SEC24D: variants seen among roughly 807,000 people sequenced by gnomAD.
SEC24D encodes the protein protein transport protein Sec24D.
In SEC24D, 69 loss-of-function variants were observed where a neutral mutation model predicts 116.9. The ratio of observed to expected loss-of-function variants is 0.59; its 90% CI spans 0.49 to 0.72. The LOEUF is 0.72. Among genes scored for constraint, SEC24D ranks in the 30% least tolerant of loss-of-function variants. The pLI is 0.00. For synonymous variants in SEC24D, 405 were observed against 442.8 expected (o/e 0.91, Z 1.07); for missense variants, 1,131 against 1,264.1 (o/e 0.89, Z 1.60).
Position 118,723,290 on chromosome 4 carries a change from A to C in SEC24D, c.*225T>G. ...AAACCACATCAGTTTTAAAAATTAG[A>C]AACTGTGCAATCAGAAACAGATTGT... On this transcript the variant is annotated 3_prime_UTR_variant, in exon 23 of 23. Transcript: ENST00000280551. 2.5e-6 allele frequency: 1 copy of C among 404,296 alleles called. No individual in the cohort carries two copies. The allele number at this position is 404,296 out of a possible 1,614,324, so 25.0% of individuals were successfully genotyped here.
intron 15 of SEC24D, 124 bp from the exon 16 acceptor site, chr4:118,741,161 T>A (rs1726208711): frequency 1.9e-6 from 1 of 531,238 alleles, no homozygotes; most frequent in Non-Finnish European, 3.3e-6. Context: ...ATTTTTTTAT[T>A]ATATATTATG....
chr4:118,737,672 A>G (rs1726031650), intron 19 of SEC24D, among the ~76,000 whole-genome samples: 1 of 152,226 alleles, frequency 6.6e-6, no homozygotes, highest in Non-Finnish European at 1.5e-5. Flanking sequence ...TGCAAAATAA[A>G]TGTGGACTTG....
chr4:118,732,387 G>A (rs1327489803), intron 20 of SEC24D, among the ~76,000 whole-genome samples: 5 of 152,020 alleles, frequency 3.3e-5, no homozygotes, highest in East Asian at 1.9e-4. Flanking sequence ...CAATCTGCCC[G>A]CCTTGGCCTC....
chr4:118,821,757 G>A (rs1730414112), intron 3 of SEC24D, among the ~76,000 whole-genome samples: 1 of 152,196 alleles, frequency 6.6e-6, no homozygotes, highest in Non-Finnish European at 1.5e-5. Flanking sequence ...TCAGACTGAT[G>A]TGATTCACCT....
At chr4:118,819,400 G>A (rs112688563) in intron 3 of SEC24D, among the ~76,000 whole-genome samples, 68 of 151,792 alleles carry the variant, frequency 4.5e-4, no homozygotes, top group African/African-American at 1.6e-3. Flanking sequence ...GCGTGGTGGT[G>A]GGCGCCTGTA....
chr4:118,731,049 G>A, intron 21 of SEC24D: 1 of 406,314 alleles, frequency 2.5e-6, no homozygotes, highest in South Asian at 2.5e-5. Flanking sequence ...TAAGTATTTA[G>A]AGTACAGAGA....
rs1295321521 is a variant in SEC24D at position 118,812,124 on chromosome 4, G to A, written c.801+2904C>T. Among the ~76,000 whole-genome samples, 3 of 152,156 alleles carry A rather than the reference G, an allele frequency of 2.0e-5. No individual in the cohort carries two copies. The East Asian group carries it at 5.8e-4, about 29-fold the overall frequency. On this transcript the variant is annotated intron_variant, in intron 6 of 22. Transcript: ENST00000280551. ...GTCTGCCACCCCATGAACAAACCCA[G>A]TATACCGTACTTGACAATGTGGCCT...
chr4:118,756,433 G>A (rs562027148), intron 11 of SEC24D, among the ~76,000 whole-genome samples: 22 of 152,000 alleles, frequency 1.4e-4, no homozygotes, highest in Admixed American at 9.8e-4. Flanking sequence ...AACCATCTTC[G>A]AAAATATTAT....
At chr4:118,738,179 C>G (rs1726058498) in intron 19 of SEC24D, 82 bp downstream of exon 19, 1 of 926,410 alleles carries the variant, frequency 1.1e-6, no homozygotes, top group Non-Finnish European at 1.8e-6. Flanking sequence ...CCTGCAACAT[C>G]ATAAGCCTTC....
intron 10 of SEC24D, chr4:118,758,359 T>C (rs1727214377): frequency 6.6e-6 from 1 of 152,282 alleles, no homozygotes; most frequent in Admixed American, 6.5e-5. Context: ...AAATTGTGTA[T>C]GAAAATATAA....
intron 19 of SEC24D, among the ~76,000 whole-genome samples, chr4:118,737,113 G>A (rs1360530393): frequency 1.3e-5 from 2 of 152,308 alleles, no homozygotes; most frequent in African/African-American, 2.4e-5. Context: ...AAGACAAATA[G>A]TAAAATGAGG....
intron 2 of SEC24D, among the ~76,000 whole-genome samples, chr4:118,831,462 A>T (rs1730854803): frequency 6.6e-6 from 1 of 152,164 alleles, no homozygotes; most frequent in Admixed American, 6.5e-5. Flanking sequence ...GGGCATGGTG[A>T]CTGTGACGTG....
chr4:118,815,925 T>A (rs1012231221), intron 4 of SEC24D, among the ~76,000 whole-genome samples, 199 bp from the exon 5 acceptor site: 2 of 151,920 alleles, frequency 1.3e-5, no homozygotes, highest in Non-Finnish European at 2.9e-5. Flanking sequence ...CAACTGGGAT[T>A]TTTTCTTTTT....
chr4:118,815,723 G>C lies in SEC24D; in HGVS notation c.401C>G (p.Ser134Ter). The C allele has an allele frequency of 6.2e-7, 1 of 1,613,522 alleles. No individual in the cohort carries two copies. Among genetic ancestry groups the C allele is most frequent in the Non-Finnish European group, 8.5e-7 (1 of 1,179,780 alleles). ...LSAMQINSYG[S>*]GMAPPSQGPP... is the part of the protein sequence containing the mutation. ...TCCCTGGCTTGGAGGAGCCATGCCT[G>C]AACCTGTGTGAGAAAGGAGACCAGC... Residue 134 changes from serine (S) to a stop codon, truncating the protein, a stop_gained, in exon 5 of 23, where the codon TCA (serine) becomes TGA (stop). Coordinates refer to ENST00000280551, the MANE Select transcript of SEC24D (RefSeq NM_014822.4). LOFTEE classifies it high-confidence loss of function.
intron 3 of SEC24D, among the ~76,000 whole-genome samples, chr4:118,822,733 G>A (rs1730449558): frequency 6.6e-6 from 1 of 151,498 alleles, no homozygotes. Flanking sequence ...CACCATGCTT[G>A]GCTAATTTTC....
intron 8 of SEC24D, among the ~76,000 whole-genome samples, chr4:118,778,902 T>C (rs1728268781): frequency 6.6e-6 from 1 of 151,846 alleles, no homozygotes; most frequent in Non-Finnish European, 1.5e-5. Context: ...GACTCTCTGT[T>C]TGTCTGTTAT....
chr4:118,766,307 C>A (rs114111140), intron 9 of SEC24D, among the ~76,000 whole-genome samples: 1 of 152,304 alleles, frequency 6.6e-6, no homozygotes, highest in South Asian at 2.1e-4. Flanking sequence ...CCCCACTGGA[C>A]AATCTCTGGA....
intron 8 of SEC24D, among the ~76,000 whole-genome samples, chr4:118,789,778 G>T (rs1307113180): frequency 2.6e-5 from 4 of 152,064 alleles, no homozygotes; most frequent in African/African-American, 9.7e-5. Flanking sequence ...TAGAGATGGG[G>T]TTTCACCATG....
chr4:118,773,481 C>T (rs911511656), intron 8 of SEC24D, among the ~76,000 whole-genome samples: 20 of 152,254 alleles, frequency 1.3e-4, no homozygotes, highest in African/African-American at 4.1e-4. Context: ...CTTTGGCAAG[C>T]GGCTACTTCT....
Sources: gnomAD v4.1 joint callset for allele counts (sites outside exome capture counted in the v4.1 genomes callset) on GRCh38, gnomAD v4.1.1 for gene constraint, MANE v1.5 for transcripts, NCBI Gene and HGNC (gene_info 2026-07-23, HGNC 2026-07-21) for gene names.